The following BLTP1 variants were observed in gnomAD, a reference collection of about 807,000 sequenced individuals.
The protein encoded by BLTP1 is bridge-like lipid transfer protein family member 1.
chr4:122,185,569 A>G, the BLTP1 span: 6 of 423,880 alleles, frequency 1.4e-5, no homozygotes, highest in Non-Finnish European at 1.9e-5. Flanking sequence ...CCTATGTTTT[A>G]GTGTTGTGTA....
the BLTP1 span, among the ~76,000 whole-genome samples, chr4:122,221,317 T>C: frequency 6.6e-6 from 1 of 152,194 alleles, no homozygotes; most frequent in Non-Finnish European, 1.5e-5. Flanking sequence ...ATATTTGACA[T>C]ATATGAGATC....
the BLTP1 span, chr4:122,269,571 A>G: frequency 1.0e-6 from 1 of 985,244 alleles, no homozygotes; most frequent in African/African-American, 1.7e-5. Flanking sequence ...ATTTATTTGG[A>G]GACCTTCACC....
chr4:122,272,367 G>A, the BLTP1 span: 5 of 1,612,822 alleles, frequency 3.1e-6, no homozygotes, highest in Non-Finnish European at 4.2e-6. Context: ...GAACTGAAGA[G>A]GATCCATGGC....
At chr4:122,191,853 T>A in the BLTP1 span, among the ~76,000 whole-genome samples, 1 of 152,134 alleles carries the variant, frequency 6.6e-6, no homozygotes, top group Non-Finnish European at 1.5e-5. Context: ...AAGCTAGACA[T>A]TAGAGATTTG....
the BLTP1 span, chr4:122,228,997 A>T: frequency 1.3e-6 from 1 of 784,590 alleles, no homozygotes; most frequent in Non-Finnish European, 1.9e-6. Context: ...GAATGAAATT[A>T]GACTGATTTT....
At chr4:122,192,694 C>T in the BLTP1 span, among the ~76,000 whole-genome samples, 2 of 151,814 alleles carry the variant, frequency 1.3e-5, no homozygotes, top group African/African-American at 4.8e-5. Flanking sequence ...CTTCATTGAT[C>T]CCCTACTATA....
At chr4:122,233,786 CACTT>C in the BLTP1 span, among the ~76,000 whole-genome samples, 1 of 152,132 alleles carries the variant, frequency 6.6e-6, no homozygotes, top group Non-Finnish European at 1.5e-5. Context: ...TACCTCATAA[CACTT>C]AATACAATTT....
At chr4:122,219,187 G>C in the BLTP1 span, 1 of 978,340 alleles carries the variant, frequency 1.0e-6, no homozygotes, top group African/African-American at 1.7e-5. Flanking sequence ...CTTAACATAT[G>C]TTTTCTTTTG....
At chr4:122,266,953 A>C in the BLTP1 span, 1 of 1,551,834 alleles carries the variant, frequency 6.4e-7, no homozygotes. Flanking sequence ...GCAAAAGAGC[A>C]AGAAGGTGTC....
chr4:122,349,920 C>T, the BLTP1 span: 1 of 1,613,738 alleles, frequency 6.2e-7, no homozygotes, highest in Non-Finnish European at 8.5e-7. The surrounding 1 kb of genome is among the most constrained non-coding windows in gnomAD (Gnocchi z 4.5). Flanking sequence ...CAAGGTCAAC[C>T]ACACCAGATC....
chr4:122,215,947 T>C, the BLTP1 span, among the ~76,000 whole-genome samples: 1 of 152,136 alleles, frequency 6.6e-6, no homozygotes, highest in African/African-American at 2.4e-5. Flanking sequence ...TGGTTTTCCA[T>C]TAATAAGTTA....
chr4:122,207,725 G>T, the BLTP1 span: 1 of 1,128,114 alleles, frequency 8.9e-7, no homozygotes. Context: ...CTTCTCCCCA[G>T]TCCATTGCAA....
the BLTP1 span, chr4:122,262,892 G>T: frequency 6.2e-7 from 1 of 1,614,100 alleles, no homozygotes; most frequent in South Asian, 1.1e-5. Flanking sequence ...TCAGCTACCT[G>T]ACTGGAAGCT....
the BLTP1 span, chr4:122,270,803 T>C: frequency 1.1e-5 from 2 of 177,048 alleles, no homozygotes; most frequent in Non-Finnish European, 1.1e-5. Flanking sequence ...TTACTAGTTT[T>C]AGAATAAGAT....
At chr4:122,152,390 G>C in the BLTP1 span, 4 of 985,024 alleles carry the variant, frequency 4.1e-6, no homozygotes, top group Admixed American at 1.8e-4. Flanking sequence ...CTTGGGTGTC[G>C]GTGGCTGCGG....
chr4:122,276,007 C>A, the BLTP1 span: 1 of 1,583,442 alleles, frequency 6.3e-7, no homozygotes. Context: ...ACAAGTACAG[C>A]CAAACAAGAG....
the BLTP1 span, chr4:122,237,086 G>A: frequency 1.0e-6 from 1 of 984,490 alleles, no homozygotes; most frequent in Non-Finnish European, 1.2e-6. Flanking sequence ...ATTTGTGGTA[G>A]TAGAAGTAAC....
chr4:122,254,918 G>A, the BLTP1 span: 4 of 1,613,682 alleles, frequency 2.5e-6, no homozygotes, highest in Non-Finnish European at 3.4e-6. Context: ...TTGAGAATTT[G>A]TGCTGTTATG....
At chr4:122,284,222 G>A in the BLTP1 span, among the ~76,000 whole-genome samples, 1 of 152,086 alleles carries the variant, frequency 6.6e-6, no homozygotes, top group Non-Finnish European at 1.5e-5. Context: ...AGATTCTTAG[G>A]AGTTTTATCT....
Sources: allele counts gnomAD v4.1 joint callset (sites outside exome capture counted in the v4.1 genomes callset), GRCh38; gene constraint gnomAD v4.1.1; non-coding constraint Gnocchi (gnomAD v3.1); transcripts MANE v1.5; gene names NCBI Gene and HGNC (gene_info 2026-07-23, HGNC 2026-07-21).